The following LAMP3 variants were observed in gnomAD, a reference collection of about 807,000 sequenced individuals.
LAMP3 encodes the protein lysosome-associated membrane glycoprotein 3.
In LAMP3, 26 loss-of-function variants were observed where a neutral mutation model predicts 34.8. The observed-to-expected ratio is 0.75, with a 90% CI of 0.55 to 1.04. The LOEUF (loss-of-function observed/expected upper bound fraction) is 1.04. LAMP3 is among the 50% of genes least tolerant of loss of function. The probability of loss-of-function intolerance (pLI) is 0.00; values close to 1 mark genes in which losing one functional copy is unlikely to be tolerated. For synonymous variants in LAMP3, 180 were observed against 201.9 expected (o/e 0.89, Z 0.92); for missense variants, 495 against 524.0 (o/e 0.94, Z 0.54).
At chr3:183,151,648 G>A (rs550072821) in intron 3 of LAMP3, among the ~76,000 whole-genome samples, 4 of 151,846 alleles carry the variant, frequency 2.6e-5, no homozygotes, top group African/African-American at 9.7e-5. Flanking sequence ...GGCTGGTCTC[G>A]AACTCCTGAC....
intron 4 of LAMP3, among the ~76,000 whole-genome samples, chr3:183,138,294 TCTTA>T (rs1346894990): frequency 1.3e-5 from 2 of 152,218 alleles, no homozygotes; most frequent in Non-Finnish European, 2.9e-5. Flanking sequence ...AACTATGCTA[TCTTA>T]CTTACATTTA....
intron 3 of LAMP3, among the ~76,000 whole-genome samples, chr3:183,144,516 T>C (rs1468035400): frequency 1.3e-5 from 2 of 151,182 alleles, no homozygotes; most frequent in African/African-American, 4.9e-5. Context: ...CTAAAGGAGC[T>C]GAGGGGTGGG....
chr3:183,138,606 A>G (rs901560495), intron 4 of LAMP3, among the ~76,000 whole-genome samples: 4 of 152,218 alleles, frequency 2.6e-5, no homozygotes, highest in African/African-American at 9.6e-5. Flanking sequence ...TGCTTCTCAC[A>G]CGAGAAGTGA....
intron 3 of LAMP3, among the ~76,000 whole-genome samples, chr3:183,147,967 T>C (rs1720496664): frequency 6.6e-6 from 1 of 152,188 alleles, no homozygotes; most frequent in African/African-American, 2.4e-5. Flanking sequence ...TCATTCCACC[T>C]TGGCTTCTGA....
At chr3:183,125,950 G>C (rs954570439) in intron 5 of LAMP3, among the ~76,000 whole-genome samples, 1 of 152,066 alleles carries the variant, frequency 6.6e-6, no homozygotes, top group Non-Finnish European at 1.5e-5. Context: ...TTACAGGCGT[G>C]AGCCACCACA....
At position 183,153,676 on chromosome 3, in the gene LAMP3, A is replaced by G. The variant is rs500288; in HGVS notation, c.759+6T>C. The stretch of plus-strand genomic sequence containing the variant: ...ATAGTGTTATAGTCCTGTGGCCCCA[A>G]CTTACCGACTCCTTGTCTTGAACAA... On this transcript the variant is annotated splice_donor_region_variant and intron_variant, in intron 2 of 5. Transcript: ENST00000265598. 0.07 allele frequency: 105,051 copies of G among 1,511,338 alleles called. 4,054 individuals carry two copies. Among genetic ancestry groups the G allele is most frequent in the Middle Eastern group, 0.12 (687 of 5,588 alleles). 93.6% of individuals were successfully genotyped at this position (1,511,338 alleles called of 1,614,324 possible).
rs748392572 is a variant in LAMP3 at position 183,135,776 on chromosome 3, A to G, written c.1058T>C (p.Val353Ala). The G allele has an allele frequency of 6.2e-6, 10 of 1,614,012 alleles. No individual in the cohort carries two copies. The highest frequency in any genetic ancestry group is 6.8e-6 in the Non-Finnish European group (8 of 1,180,016). Reference protein sequence around the residue: ...QSLQLSAHLQVKTTDVQLQAF... With the variant: ...QSLQLSAHLQAKTTDVQLQAF... ...TTGAAGTTGGACATCGGTTGTTTTC[A>G]CCTGCAGGTGGGCTGACAACTGGAG... Residue 353 changes from valine to alanine, a missense_variant, in exon 5 of 6, where the codon GTG (valine) becomes GCG (alanine). Physicochemically the swap from Val to Ala is moderately conservative, Grantham distance 64. Coordinates refer to ENST00000265598, the MANE Select transcript of LAMP3 (RefSeq NM_014398.4).
chr3:183,145,323 C>T (rs143064763), intron 3 of LAMP3, among the ~76,000 whole-genome samples: 1 of 152,250 alleles, frequency 6.6e-6, no homozygotes, highest in East Asian at 1.9e-4. Flanking sequence ...CCTCTAGGGG[C>T]CAAATACCAC....
chr3:183,154,547 T>C (rs898768749), intron 1 of LAMP3, among the ~76,000 whole-genome samples, 156 bp from the exon 2 acceptor site: 1 of 152,194 alleles, frequency 6.6e-6, no homozygotes, highest in Non-Finnish European at 1.5e-5. Flanking sequence ...GAAGCAAACA[T>C]CACCAAAGAT....
At chr3:183,132,258 A>T in intron 5 of LAMP3, 4 of 944,676 alleles carry the variant, frequency 4.2e-6, no homozygotes, top group Non-Finnish European at 5.0e-6. Flanking sequence ...TAAACTGATA[A>T]TACATTACAA....
At chr3:183,124,273 C>T (rs1384591175) in intron 5 of LAMP3, 59 bp from the exon 6 acceptor site, 4 of 1,434,720 alleles carry the variant, frequency 2.8e-6, no homozygotes, top group Non-Finnish European at 1.9e-6. Context: ...GTCCAGAAAG[C>T]AGGCTAGAGG....
chr3:183,130,884 A>T (rs1025408184), intron 5 of LAMP3, among the ~76,000 whole-genome samples: 2 of 151,726 alleles, frequency 1.3e-5, no homozygotes, highest in East Asian at 3.9e-4. Flanking sequence ...AGTTCACAGA[A>T]TTTTTTTCCC....
intron 3 of LAMP3, among the ~76,000 whole-genome samples, chr3:183,148,967 A>C (rs995850892): frequency 8.5e-5 from 13 of 152,212 alleles, no homozygotes; most frequent in African/African-American, 3.1e-4. Context: ...TGAATGGATA[A>C]AGAAAACATG....
intron 3 of LAMP3, among the ~76,000 whole-genome samples, chr3:183,147,182 G>T (rs943052942): frequency 1.3e-5 from 2 of 152,108 alleles, no homozygotes; most frequent in African/African-American, 4.8e-5. Flanking sequence ...GGCGGAGGTT[G>T]CAGTGAGCCA....
chr3:183,154,302 C>A lies in LAMP3; in HGVS notation c.139G>T (p.Asp47Tyr). The change falls in exon 2 of 6, where the codon GAC becomes TAC. Residue 47 changes from aspartate to tyrosine, a missense_variant. By Grantham distance (160) the Asp-to-Tyr change is radical. Transcript: ENST00000265598. ...SQPTAAATVQ[D>Y]IKKPVQQPAK... is the part of the protein sequence containing the mutation. ...GGTTGCTGGACAGGTTTTTTTATGT[C>A]CTGTACTGTTGCTGCTGCAGTAGGT... The A allele has an allele frequency of 6.2e-7, 1 of 1,613,952 alleles. No individual in the cohort carries two copies. Among genetic ancestry groups the A allele is most frequent in the Non-Finnish European group, 8.5e-7 (1 of 1,179,982 alleles).
chr3:183,158,289 G>A (rs1223719815), intron 1 of LAMP3, among the ~76,000 whole-genome samples: 2 of 152,198 alleles, frequency 1.3e-5, no homozygotes, highest in South Asian at 2.1e-4. Context: ...GATTTCTGTC[G>A]AAATTGGGTC....
chr3:183,157,446 T>C (rs1720854596), intron 1 of LAMP3, among the ~76,000 whole-genome samples: 1 of 152,224 alleles, frequency 6.6e-6, no homozygotes, highest in Non-Finnish European at 1.5e-5. Flanking sequence ...TAGCAATTCA[T>C]TTGGGTAAAA....
chr3:183,150,653 T>A (rs1720602358), intron 3 of LAMP3, among the ~76,000 whole-genome samples: 1 of 138,704 alleles, frequency 7.2e-6, no homozygotes, highest in Non-Finnish European at 1.5e-5. Flanking sequence ...ACTCAAGCAA[T>A]TCAAGCAATC....
At chr3:183,132,787 A>G (rs1719965796) in intron 5 of LAMP3, 1 of 985,330 alleles carries the variant, frequency 1.0e-6, no homozygotes. Context: ...CCAAGACCTT[A>G]ACTTTGCACA....
Sources: gnomAD v4.1 joint callset for allele counts (sites outside exome capture counted in the v4.1 genomes callset) on GRCh38, gnomAD v4.1.1 for gene constraint, MANE v1.5 for transcripts, NCBI Gene and HGNC (gene_info 2026-07-23, HGNC 2026-07-21) for gene names.